LMCD1: variants seen among roughly 807,000 people sequenced by gnomAD.
LMCD1 encodes the protein LIM and cysteine-rich domains protein 1.
LMCD1 carries 32 observed loss-of-function variants against 42.7 expected under a neutral mutation model. The observed-to-expected ratio is 0.75, with a 90% confidence interval of 0.57 to 1.01. The LOEUF (loss-of-function observed/expected upper bound fraction) is 1.01. Ranked by LOEUF, LMCD1 falls within the 50% of genes least tolerant of loss-of-function variation. The probability of loss-of-function intolerance (pLI) is 0.00; values close to 1 mark genes in which losing one functional copy is unlikely to be tolerated. For missense variants in LMCD1, 458 were observed against 483.1 expected, an observed-to-expected ratio of 0.95 and a Z score of 0.49; for synonymous variants, 178 against 184.9, an observed-to-expected ratio of 0.96 and a Z score of 0.30.
chr3:8,547,927 T>C (rs1252519016), intron 3 of LMCD1, among the ~76,000 whole-genome samples: 1 of 151,896 alleles, frequency 6.6e-6, no homozygotes, highest in Non-Finnish European at 1.5e-5. Flanking sequence ...ACCTAGATGG[T>C]GTAGCCTGCT....
chr3:8,537,866 G>A (rs1046875530), intron 3 of LMCD1, among the ~76,000 whole-genome samples: 3 of 152,140 alleles, frequency 2.0e-5, no homozygotes, highest in African/African-American at 7.2e-5. Context: ...TCTCTCTTCT[G>A]CCTAAATGCT....
At chr3:8,560,062 A>G (rs1695004346) in intron 4 of LMCD1, among the ~76,000 whole-genome samples, 1 of 152,168 alleles carries the variant, frequency 6.6e-6, no homozygotes, top group Non-Finnish European at 1.5e-5. Context: ...CTGCGAGAAT[A>G]TCTCCCTACA....
chr3:8,522,391 C>T (rs762772033), intron 1 of LMCD1, among the ~76,000 whole-genome samples: 6 of 152,074 alleles, frequency 3.9e-5, no homozygotes, highest in Non-Finnish European at 4.4e-5. Flanking sequence ...GTCTGCCCTG[C>T]GGAGCTGATA....
chr3:8,506,449 T>A (rs1250670315), intron 1 of LMCD1, among the ~76,000 whole-genome samples: 1 of 152,102 alleles, frequency 6.6e-6, no homozygotes, highest in Non-Finnish European at 1.5e-5. Context: ...GCACACAGGC[T>A]TTTGTGTGTG....
chr3:8,550,913 A>G, intron 4 of LMCD1: 4 of 985,372 alleles, frequency 4.1e-6, no homozygotes, highest in Non-Finnish European at 4.8e-6. Flanking sequence ...AGCCTCGCAT[A>G]TTTGTTCTGT....
At chr3:8,552,017 C>T (rs532984769) in intron 4 of LMCD1, among the ~76,000 whole-genome samples, 2 of 152,118 alleles carry the variant, frequency 1.3e-5, no homozygotes, top group Non-Finnish European at 2.9e-5. Context: ...CAGAGATTAA[C>T]GGGAGAAAAA....
Position 8,537,199 on chromosome 3 carries a change from C to G in LMCD1, c.146C>G (p.Ser49Cys), listed in dbSNP as rs1694525262. The change falls in exon 3 of 6, where the codon TCT becomes TGT. Residue 49 changes from serine to cysteine, a missense_variant. Transcript: ENST00000157600. ...CCCACCCCCAGGAAAATATGCAAGT[C>G]TTGCAAATGCAGCCAAGAGGACCAC... ...EPHSWRKICKSCKCSQEDHCL... is the reference protein window; with the variant it reads ...EPHSWRKICKCCKCSQEDHCL... The G allele has an allele frequency of 5.6e-6, 9 of 1,613,998 alleles. No individual in the cohort carries two copies. Among genetic ancestry groups the G allele is most frequent in the Non-Finnish European group, 7.6e-6 (9 of 1,179,920 alleles).
At chr3:8,558,661 A>C (rs939747833) in intron 4 of LMCD1, among the ~76,000 whole-genome samples, 1 of 152,318 alleles carries the variant, frequency 6.6e-6, no homozygotes, top group Non-Finnish European at 1.5e-5. Flanking sequence ...CTTCCATTTG[A>C]CCATACTAGC....
At chr3:8,553,729 A>C (rs1264327563) in intron 4 of LMCD1, among the ~76,000 whole-genome samples, 1 of 152,110 alleles carries the variant, frequency 6.6e-6, no homozygotes, top group Non-Finnish European at 1.5e-5. Flanking sequence ...TTATTATTAC[A>C]CTGAGGTTAG....
chr3:8,523,660 T>C (rs1694244291), intron 1 of LMCD1, among the ~76,000 whole-genome samples: 1 of 152,252 alleles, frequency 6.6e-6, no homozygotes, highest in Admixed American at 6.5e-5. Context: ...GGAGCAGCGG[T>C]TCTGCTTTAA....
intron 4 of LMCD1, chr3:8,551,243 A>T (rs1350729852): frequency 2.0e-6 from 2 of 984,128 alleles, no homozygotes; most frequent in Non-Finnish European, 2.4e-6. Context: ...TGATATACAT[A>T]GCCATTGCTC....
chr3:8,512,380 T>C (rs1694019212), intron 1 of LMCD1, among the ~76,000 whole-genome samples: 1 of 152,238 alleles, frequency 6.6e-6, no homozygotes, highest in Admixed American at 6.5e-5. Context: ...GGCTTGGATA[T>C]CTCAGTGCTG....
chr3:8,549,977 G>A, intron 4 of LMCD1: 2 of 1,382,658 alleles, frequency 1.4e-6, no homozygotes, highest in Non-Finnish European at 2.0e-6. Context: ...TCTCTTAAAG[G>A]CCCCACCTCT....
chr3:8,501,877 C>A lies in LMCD1; in HGVS notation c.-62C>A. 6.6e-7 allele frequency: 1 copy of A among 1,507,932 alleles called. No homozygotes were observed. The highest frequency in any genetic ancestry group is 1.2e-5 in the South Asian group (1 of 83,416). 93.4% of individuals were successfully genotyped at this position (1,507,932 alleles called of 1,614,324 possible). A position where few individuals can be genotyped will look rare whatever the true frequency, so the allele number is the denominator to read the frequency against. On this transcript the variant is annotated 5_prime_UTR_variant, in exon 1 of 6. Transcript: ENST00000157600. ...TTGGCCATTCAGCCGCCGCTGTCCC[C>A]GCTGCGCGCCCTCGCGCCTCTGCCT...
At chr3:8,566,041 G>T (rs1045775079) in intron 5 of LMCD1, among the ~76,000 whole-genome samples, 2 of 152,328 alleles carry the variant, frequency 1.3e-5, no homozygotes, top group Non-Finnish European at 1.5e-5. Flanking sequence ...ATAAAATAGG[G>T]ATGAGACCAG....
intron 1 of LMCD1, among the ~76,000 whole-genome samples, chr3:8,509,515 G>A (rs554924244): frequency 6.6e-6 from 1 of 152,294 alleles, no homozygotes; most frequent in South Asian, 2.1e-4. Flanking sequence ...TCTGTTATGT[G>A]CCAGCCACTG....
Position 8,573,932 on chromosome 3 carries a change from T to C in LMCD1, c.*6334T>C, listed in dbSNP as rs1308074712. ...AAAATATGAGAGGGGTTTTGCTTTC[T>C]GGAATCTGCTTTCTAGTCAGAAAGT... On this transcript the variant is annotated 3_prime_UTR_variant, in exon 6 of 6. Coordinates refer to ENST00000157600, the MANE Select transcript of LMCD1 (RefSeq NM_014583.4). 6.6e-6 allele frequency: 1 copy of C among 151,750 alleles called. No homozygotes were observed. The highest frequency in any genetic ancestry group is 1.5e-5 in the Non-Finnish European group (1 of 67,950). The allele number at this position is 151,750 out of a possible 1,614,324, so 9.4% of individuals were successfully genotyped here.
chr3:8,506,543 C>G lies in LMCD1; in HGVS notation c.42+4563C>G, dbSNP rs565364181. Among the ~76,000 whole-genome samples, 24 of 152,294 alleles carry G rather than the reference C, an allele frequency of 1.6e-4. No homozygotes were observed. The South Asian group carries it at 2.7e-3, about 17-fold the overall frequency. On this transcript the variant is annotated intron_variant, in intron 1 of 5. Coordinates refer to ENST00000157600, the MANE Select transcript of LMCD1 (RefSeq NM_014583.4). ...AGTAAGGGAATAGTTCCTCTCGCAA[C>G]TCACTAGAGCTGACAGGGCTCCAGG...
intron 1 of LMCD1, among the ~76,000 whole-genome samples, chr3:8,503,645 G>A (rs61540937): frequency 0.014 from 2,065 of 152,246 alleles, 42 homozygotes; most frequent in Middle Eastern, 0.075. Context: ...ACCTGTGGGT[G>A]ACTCATGAGA....
Sources: allele counts gnomAD v4.1 joint callset (sites outside exome capture counted in the v4.1 genomes callset), GRCh38; gene constraint gnomAD v4.1.1; transcripts MANE v1.5; gene names NCBI Gene and HGNC (gene_info 2026-07-23, HGNC 2026-07-21).